Variants in NAALADL2 observed in about 807,000 individuals in gnomAD.
The protein encoded by NAALADL2 is inactive N-acetylated-alpha-linked acidic dipeptidase-like protein 2.
NAALADL2 carries 76 observed loss-of-function variants against 87.2 expected under a neutral mutation model. The observed-to-expected ratio is 0.87, with a 90% CI of 0.72 to 1.05. NAALADL2 has a LOEUF of 1.05. Among genes scored for constraint, NAALADL2 ranks in the 50% least tolerant of loss-of-function variants. NAALADL2 has a pLI of 0.00. For synonymous variants in NAALADL2, 354 were observed against 331.0 expected (o/e 1.07, Z -0.75); for missense variants, 1,089 against 945.8 (o/e 1.15, Z -1.99).
At chr3:174,599,136 T>A (rs1718203809) in intron 2 of NAALADL2, among the ~76,000 whole-genome samples, 1 of 152,286 alleles carries the variant, frequency 6.6e-6, no homozygotes, top group East Asian at 1.9e-4. Flanking sequence ...TAAAATGAAC[T>A]GCCTGCTTCT....
At chr3:174,466,850 A>C (rs1041251753) in intron 1 of NAALADL2, among the ~76,000 whole-genome samples, 3 of 152,184 alleles carry the variant, frequency 2.0e-5, no homozygotes, top group African/African-American at 7.2e-5. Context: ...ATTTAAACAC[A>C]TAGTTCTTTA....
intron 11 of NAALADL2, among the ~76,000 whole-genome samples, chr3:175,731,652 G>A (rs759376335): frequency 3.9e-5 from 6 of 152,054 alleles, no homozygotes; most frequent in East Asian, 1.9e-4. Context: ...TCTTGCTTAC[G>A]AAGCTGCAAA....
chr3:175,269,599 A>G (rs1752494254), intron 4 of NAALADL2, among the ~76,000 whole-genome samples: 1 of 152,218 alleles, frequency 6.6e-6, no homozygotes, highest in Admixed American at 6.5e-5. Context: ...ACTTTCAGAT[A>G]CACACTCTCA....
intron 3 of NAALADL2, among the ~76,000 whole-genome samples, chr3:174,836,658 G>A (rs1342981600): frequency 8.3e-6 from 1 of 120,020 alleles, no homozygotes; most frequent in Non-Finnish European, 1.6e-5. Context: ...GCAGTGAGCC[G>A]AAATCGCGCC....
chr3:175,203,119 C>A (rs923109841), intron 2 of NAALADL2, among the ~76,000 whole-genome samples: 1 of 152,094 alleles, frequency 6.6e-6, no homozygotes, highest in Non-Finnish European at 1.5e-5. Flanking sequence ...ACTGGATTCG[C>A]ACCCTCCCCT....
At chr3:175,522,419 C>T (rs1051825868) in intron 9 of NAALADL2, among the ~76,000 whole-genome samples, 19 of 152,076 alleles carry the variant, frequency 1.2e-4, no homozygotes, top group African/African-American at 4.6e-4. Flanking sequence ...AGGTCATGTC[C>T]CATACCTGAA....
chr3:175,757,320 T>C (rs147462889), intron 13 of NAALADL2, among the ~76,000 whole-genome samples: 307 of 152,226 alleles, frequency 2.0e-3, no homozygotes, highest in African/African-American at 7.1e-3. Context: ...GCCTTATCAC[T>C]GCAGACATTA....
chr3:174,762,924 A>G (rs1487635201), intron 3 of NAALADL2, among the ~76,000 whole-genome samples: 11 of 152,212 alleles, frequency 7.2e-5, no homozygotes, highest in Admixed American at 7.2e-4. Flanking sequence ...TTTATAATGT[A>G]TAATTTACAA....
rs576161917 is a variant in NAALADL2 at position 175,338,550 on chromosome 3, G to T, written c.1090+14225G>T. ...TTATAGCAACAGAGGCACCAGGAAG[G>T]TTGTCAATTTAGGAGCAGCAGAGAA... On this transcript the variant is annotated intron_variant, in intron 5 of 13. Coordinates refer to ENST00000454872, the MANE Select transcript of NAALADL2 (RefSeq NM_207015.3). Among the ~76,000 whole-genome samples, 3 of 139,316 alleles carry T rather than the reference G, an allele frequency of 2.2e-5. No homozygotes were observed. In the Admixed American group the frequency reaches 2.2e-4, roughly 10 times the overall value. 91.4% of individuals were successfully genotyped at this position (139,316 alleles called of 152,430 possible).
At chr3:175,022,266 C>CA (rs1196172847) in intron 1 of NAALADL2, among the ~76,000 whole-genome samples, 1 of 151,922 alleles carries the variant, frequency 6.6e-6, no homozygotes, top group Non-Finnish European at 1.5e-5. Flanking sequence ...TGGACTAATA[C>CA]AAAATGGACT....
chr3:175,004,156 T>C (rs1560464535), intron 1 of NAALADL2, among the ~76,000 whole-genome samples: 1 of 152,020 alleles, frequency 6.6e-6, no homozygotes. Context: ...GGAGGCTCAT[T>C]TGAGCCCAGG....
chr3:175,636,696 T>TAAAAAAAAAAAAAAAAAA (rs529189291), intron 11 of NAALADL2, among the ~76,000 whole-genome samples: 2 of 82,392 alleles, frequency 2.4e-5, no homozygotes, highest in East Asian at 3.6e-4. Flanking sequence ...AGACTCCATC[T>TAAAAAAAAAAAAAAAAAA]AAAAAAAAAA....
At chr3:174,686,435 G>T (rs906101834) in intron 2 of NAALADL2, among the ~76,000 whole-genome samples, 1 of 150,508 alleles carries the variant, frequency 6.6e-6, no homozygotes, top group African/African-American at 2.4e-5. Flanking sequence ...TTGTGGTTTT[G>T]ATTTGCATTT....
At chr3:175,142,088 C>T (rs554888006) in intron 2 of NAALADL2, among the ~76,000 whole-genome samples, 51 of 152,106 alleles carry the variant, frequency 3.4e-4, no homozygotes, top group African/African-American at 1.2e-3. Context: ...CCAGCACAAT[C>T]GATGACACAT....
In NAALADL2 at chr3:175,447,246, A is replaced by C; in HGVS notation, c.1108A>C (p.Ser370Arg). The change falls in exon 6 of 14, where the codon AGC becomes CGC. Residue 370 changes from serine (S) to arginine (R), a missense_variant. Coordinates refer to ENST00000454872, the MANE Select transcript of NAALADL2 (RefSeq NM_207015.3). ...YPSVDESFRQSRSNLTSLLVQ... is the reference protein window; with the variant it reads ...YPSVDESFRQRRSNLTSLLVQ... ...GAATACAGATGAAAGTTTTAGACAA[A>C]GCCGATCAAACCTCACCTCTCTATT... The C allele has an allele frequency of 6.3e-7, 1 of 1,590,316 alleles. No individual in the cohort carries two copies. The highest frequency in any genetic ancestry group is 8.5e-7 in the Non-Finnish European group (1 of 1,171,980).
chr3:174,907,663 G>A (rs868537713), intron 1 of NAALADL2, among the ~76,000 whole-genome samples: 1 of 151,988 alleles, frequency 6.6e-6, no homozygotes, highest in African/African-American at 2.4e-5. Context: ...TTTCTATGAT[G>A]ACATCACAAA....
At chr3:174,748,814 G>T (rs1241226860) in intron 3 of NAALADL2, among the ~76,000 whole-genome samples, 1 of 152,104 alleles carries the variant, frequency 6.6e-6, no homozygotes, top group Non-Finnish European at 1.5e-5. Context: ...GGTCTACAAT[G>T]CAATAAGCCA....
chr3:174,683,926 A>C (rs1727795056), intron 2 of NAALADL2, among the ~76,000 whole-genome samples: 2 of 152,038 alleles, frequency 1.3e-5, no homozygotes, highest in Non-Finnish European at 2.9e-5. Context: ...AGATTATATT[A>C]GGGAAAGTTT....
At chr3:174,938,540 C>G (rs1335228247) in intron 1 of NAALADL2, among the ~76,000 whole-genome samples, 2 of 152,168 alleles carry the variant, frequency 1.3e-5, no homozygotes, top group Admixed American at 6.5e-5. Context: ...GGTATACACC[C>G]AATAATGGGA....
Sources: gnomAD v4.1 joint callset for allele counts (sites outside exome capture counted in the v4.1 genomes callset) on GRCh38, gnomAD v4.1.1 for gene constraint, MANE v1.5 for transcripts, NCBI Gene and HGNC (gene_info 2026-07-23, HGNC 2026-07-21) for gene names.